TMEM45B: variants seen among roughly 807,000 people sequenced by gnomAD.
TMEM45B encodes the protein transmembrane protein 45B.
In TMEM45B, 29 loss-of-function variants were observed where a neutral mutation model predicts 27.3. That is an observed-to-expected ratio of 1.06 (90% CI 0.79 to 1.45). The LOEUF is 1.45. TMEM45B is among the 40% of genes most tolerant of loss of function. The pLI, the probability that TMEM45B is intolerant of heterozygous loss-of-function variation, is 0.00. For missense variants in TMEM45B, 348 were observed against 343.9 expected, an observed-to-expected ratio of 1.01 and a Z score of -0.09; for synonymous variants, 143 against 134.7, an observed-to-expected ratio of 1.06 and a Z score of -0.43.
chr11:129,835,816 A>G (rs1205011350), intron 1 of TMEM45B, among the ~76,000 whole-genome samples: 1 of 152,220 alleles, frequency 6.6e-6, no homozygotes, highest in East Asian at 1.9e-4. Flanking sequence ...AAAGAGGATT[A>G]TTCTCAAGCC....
At chr11:129,826,567 A>AAAAAAAAGAAAAAT (rs1199881268) in intron 1 of TMEM45B, among the ~76,000 whole-genome samples, 2,430 of 95,538 alleles carry the variant, frequency 0.025, 258 homozygotes, top group Middle Eastern at 0.061. Flanking sequence ...AAAAAAAAAA[A>AAAAAAAAGAAAAAT]AGGACCCTGA....
chr11:129,857,903 T>G lies in TMEM45B; in HGVS notation c.716+445T>G, dbSNP rs1046959062. Among the ~76,000 whole-genome samples, 10 of 152,254 alleles carry G rather than the reference T, an allele frequency of 6.6e-5. No individual in the cohort carries two copies. In the East Asian group the frequency reaches 1.7e-3, roughly 26 times the overall value. On this transcript the variant is annotated intron_variant, in intron 5 of 5. Coordinates refer to ENST00000281441, the MANE Select transcript of TMEM45B (RefSeq NM_138788.5). ...CTGCACTCCACCCCTCACTGAAGGC[T>G]CCTTAGAGGTATACAGATAACAGCT...
At chr11:129,830,859 G>A (rs1947538875) in intron 1 of TMEM45B, among the ~76,000 whole-genome samples, 1 of 152,122 alleles carries the variant, frequency 6.6e-6, no homozygotes, top group Admixed American at 6.5e-5. Context: ...ATTGTGAAAG[G>A]GTCTAGCCAC....
intron 1 of TMEM45B, among the ~76,000 whole-genome samples, chr11:129,837,584 G>GTTTTTTTTTTTTTTTTTT (rs1387294363): frequency 5.2e-4 from 18 of 34,936 alleles, no homozygotes; most frequent in Non-Finnish European, 1.0e-3. Context: ...ACTGCACTGG[G>GTTTTTTTTTTTTTTTTTT]CTTTTTTTTT....
Position 129,857,317 on chromosome 11 carries a change from G to A in TMEM45B, c.575G>A (p.Gly192Glu), listed in dbSNP as rs995717569. The A allele has an allele frequency of 5.6e-6, 9 of 1,614,040 alleles. No individual in the cohort carries two copies. Among genetic ancestry groups the A allele is most frequent in the African/African-American group, 1.3e-5 (1 of 74,918 alleles). The change falls in exon 5 of 6, where the codon GGG becomes GAG. Residue 192 changes from glycine to glutamate, a missense_variant. By Grantham distance (98) the Gly-to-Glu change is moderately conservative. Transcript: ENST00000281441. ...CTTCTCTCTGTAATCCCCTAGATTG[G>A]GTTTGTGCTGTTCCCACCTTTTGGA... Reference protein sequence around the residue: ...ILQGTWFWQIGFVLFPPFGTP... With the variant: ...ILQGTWFWQIEFVLFPPFGTP...
chr11:129,833,038 T>TC (rs1947570549), intron 1 of TMEM45B, among the ~76,000 whole-genome samples: 1 of 151,880 alleles, frequency 6.6e-6, no homozygotes, highest in South Asian at 2.1e-4. Context: ...GGTCAGGAGT[T>TC]CGAGACCAGC....
intron 1 of TMEM45B, among the ~76,000 whole-genome samples, chr11:129,848,574 T>C (rs965921718): frequency 2.0e-5 from 3 of 152,038 alleles, no homozygotes; most frequent in African/African-American, 7.3e-5. Context: ...CATCTGTCAA[T>C]GTGTAAGATG....
chr11:129,848,858 G>A (rs946509402), intron 1 of TMEM45B, among the ~76,000 whole-genome samples: 4 of 151,966 alleles, frequency 2.6e-5, no homozygotes, highest in Non-Finnish European at 5.9e-5. Context: ...GGCAGAAAGG[G>A]CAAAAAAGGG....
intron 3 of TMEM45B, among the ~76,000 whole-genome samples, chr11:129,855,445 AC>A (rs1223010646): frequency 6.6e-6 from 1 of 152,220 alleles, no homozygotes; most frequent in Non-Finnish European, 1.5e-5. Flanking sequence ...ACAGTCTGTT[AC>A]AAATCAGCAA....
intron 1 of TMEM45B, among the ~76,000 whole-genome samples, chr11:129,818,987 T>C (rs576886585): frequency 3.2e-4 from 48 of 152,306 alleles, no homozygotes; most frequent in African/African-American, 1.1e-3. Context: ...ATCCAGTGAC[T>C]TATTTTGATG....
chr11:129,835,119 C>A (rs1315176827), intron 1 of TMEM45B, among the ~76,000 whole-genome samples: 1 of 152,074 alleles, frequency 6.6e-6, no homozygotes, highest in Non-Finnish European at 1.5e-5. Context: ...TCTTGCTGCT[C>A]ATAGTAAAAT....
intron 2 of TMEM45B, 79 bp from the exon 3 acceptor site, chr11:129,854,531 T>A (rs1947892834): frequency 1.4e-6 from 2 of 1,455,220 alleles, no homozygotes; most frequent in South Asian, 2.4e-5. Context: ...GCTTCGCTCA[T>A]GCCTTTGGGT....
chr11:129,847,951 C>A (rs1947787224), intron 1 of TMEM45B, among the ~76,000 whole-genome samples: 1 of 152,192 alleles, frequency 6.6e-6, no homozygotes, highest in East Asian at 1.9e-4. Context: ...TCCTCACTTC[C>A]CAGTAGGGGC....
At chr11:129,843,407 C>T (rs1309279320) in intron 1 of TMEM45B, among the ~76,000 whole-genome samples, 1 of 152,184 alleles carries the variant, frequency 6.6e-6, no homozygotes, top group Non-Finnish European at 1.5e-5. Flanking sequence ...TTACTATAAT[C>T]TATTTCATAT....
chr11:129,841,323 T>C (rs935125637), intron 1 of TMEM45B, among the ~76,000 whole-genome samples: 1 of 152,176 alleles, frequency 6.6e-6, no homozygotes, highest in Non-Finnish European at 1.5e-5. Flanking sequence ...ACAGCTTCGC[T>C]AGCTTGAGGT....
At chr11:129,830,778 A>C (rs1399365732) in intron 1 of TMEM45B, among the ~76,000 whole-genome samples, 1 of 152,254 alleles carries the variant, frequency 6.6e-6, no homozygotes, top group Non-Finnish European at 1.5e-5. Context: ...TAGAATGGCT[A>C]AATGAAAAAA....
intron 1 of TMEM45B, among the ~76,000 whole-genome samples, chr11:129,852,255 T>C (rs528813464): frequency 5.2e-4 from 79 of 152,288 alleles, no homozygotes; most frequent in African/African-American, 1.7e-3. Flanking sequence ...TACCCACATG[T>C]TTAAAGCATT....
At chr11:129,846,072 C>T (rs914094393) in intron 1 of TMEM45B, among the ~76,000 whole-genome samples, 1 of 152,316 alleles carries the variant, frequency 6.6e-6, no homozygotes, top group African/African-American at 2.4e-5. Flanking sequence ...ATTTGGTCAA[C>T]ATTTGACAGA....
chr11:129,818,921 T>C (rs765266308), intron 1 of TMEM45B, among the ~76,000 whole-genome samples: 3 of 152,202 alleles, frequency 2.0e-5, no homozygotes, highest in African/African-American at 4.8e-5. Flanking sequence ...AAAAACAATG[T>C]TCAGATTTTT....
Sources: gnomAD v4.1 joint callset for allele counts (sites outside exome capture counted in the v4.1 genomes callset) on GRCh38, gnomAD v4.1.1 for gene constraint, MANE v1.5 for transcripts, NCBI Gene and HGNC (gene_info 2026-07-23, HGNC 2026-07-21) for gene names.